Variants in IL4R observed in about 807,000 individuals in gnomAD.
IL4R encodes interleukin 4 receptor.
A neutral mutation model predicts 41.5 loss-of-function variants in IL4R; 17 were observed. That is an observed-to-expected ratio of 0.41 (90% CI 0.28 to 0.61). The LOEUF (loss-of-function observed/expected upper bound fraction) is 0.61, where lower values mean the gene tolerates loss of function less well. IL4R is among the 20% of genes least tolerant of loss of function. The pLI, the probability that IL4R is intolerant of heterozygous loss-of-function variation, is 0.31. For synonymous variants in IL4R, 402 were observed against 422.9 expected (o/e 0.95, Z 0.61); for missense variants, 974 against 1,043.1 (o/e 0.93, Z 0.91).
chr16:27,320,813 C>G lies in IL4R; in HGVS notation c.-152+6793C>G, dbSNP rs147709403. On this transcript the variant is annotated intron_variant, in intron 1 of 10. Transcript: ENST00000395762. ...CAGCTCTCTGGGCTGGGCAGGTCTCCAAGCTGGCAGGGCCACAGCCTCCCG... is the reference window on the plus strand; with the variant it reads ...CAGCTCTCTGGGCTGGGCAGGTCTCGAAGCTGGCAGGGCCACAGCCTCCCG... 5.0e-3 allele frequency among the ~76,000 whole-genome samples: 769 copies of G among 152,288 alleles called. 4 individuals are homozygous for G. Among genetic ancestry groups the G allele is most frequent in the African/African-American group, 0.018 (742 of 41,548 alleles).
intron 9 of IL4R, chr16:27,359,926 G>A (rs1167086479): frequency 4.8e-6 from 2 of 420,872 alleles, no homozygotes; most frequent in Non-Finnish European, 4.9e-6. Flanking sequence ...AGTGAGGGTG[G>A]CGGGGGAGGC....
At chr16:27,361,028 G>A (rs1175833305) in intron 10 of IL4R, 5 of 1,440,902 alleles carry the variant, frequency 3.5e-6, no homozygotes, top group Non-Finnish European at 4.5e-6. Flanking sequence ...CAGGTACATG[G>A]TGATACCCCT....
rs1159026130 is a variant in IL4R, at chr16:27,342,111, G to A, written c.71-10G>A. On this transcript the variant is annotated splice_polypyrimidine_tract_variant and intron_variant, in intron 3 of 10. Coordinates refer to ENST00000395762, the MANE Select transcript of IL4R (RefSeq NM_000418.4). The stretch of plus-strand genomic sequence containing the variant: ...CCTGGGCCGCTCAGGCTGCTCCTGT[G>A]TCTCCCCAGGGAACATGAAGGTCTT... 2.5e-6 allele frequency: 4 copies of A among 1,613,598 alleles called. No individual in the cohort carries two copies. Among genetic ancestry groups the A allele is most frequent in the Non-Finnish European group, 3.4e-6 (4 of 1,179,782 alleles).
At chr16:27,314,187 G>A (rs2141035389) in intron 1 of IL4R, 167 bp downstream of exon 1, 1 of 871,018 alleles carries the variant, frequency 1.1e-6, no homozygotes, top group African/African-American at 1.8e-5. Flanking sequence ...GCAGCGCCCG[G>A]TTCCGTCCTT....
Position 27,363,845 on chromosome 16 carries a change from G to C in IL4R, c.*15G>C. ...GGGTCTCTTAGGTGCATGTCCTCTT[G>C]TTGCTGAGTCTGCAGATGAGGACTA... is the stretch of plus-strand genomic sequence containing the variant. On this transcript the variant is annotated 3_prime_UTR_variant, in exon 11 of 11. Transcript: ENST00000395762. 6.3e-7 allele frequency: 1 copy of C among 1,592,096 alleles called. No homozygotes were observed. Among genetic ancestry groups the C allele is most frequent in the Non-Finnish European group, 8.5e-7 (1 of 1,174,930 alleles).
rs115366257 is a variant in IL4R at position 27,347,745 on chromosome 16, A to G, written c.513+1127A>G. Among the ~76,000 whole-genome samples the G allele has an allele frequency of 7.5e-3, 1,145 of 152,268 alleles. 18 individuals are homozygous for G. The highest frequency in any genetic ancestry group is 0.026 in the African/African-American group (1,063 of 41,556). On this transcript the variant is annotated intron_variant, in intron 6 of 10. Transcript: ENST00000395762. ...TGGGGTCCCACAGGGCTGCAATCCAATGCCTGCTGTGCCACTCGCCAGCTG... is the reference window on the plus strand; with the variant it reads ...TGGGGTCCCACAGGGCTGCAATCCAGTGCCTGCTGTGCCACTCGCCAGCTG...
chr16:27,347,437 C>T (rs1184379330), intron 6 of IL4R, among the ~76,000 whole-genome samples: 7 of 152,168 alleles, frequency 4.6e-5, no homozygotes, highest in African/African-American at 7.2e-5. Context: ...ATGATCCACT[C>T]GCCTTGGCCT....
chr16:27,318,045 T>G (rs1296477252), intron 1 of IL4R, among the ~76,000 whole-genome samples: 1 of 152,178 alleles, frequency 6.6e-6, no homozygotes, highest in Non-Finnish European at 1.5e-5. Flanking sequence ...AACCAATACA[T>G]ATGTTCAGAT....
upstream of IL4R, chr16:27,313,886 G>C (rs1226649163): frequency 1.0e-6 from 1 of 982,744 alleles, no homozygotes; most frequent in East Asian, 1.1e-4. Context: ...GCCGGGGCGG[G>C]GAGCAGGAAG....
chr16:27,321,013 A>G (rs7187471), intron 1 of IL4R, among the ~76,000 whole-genome samples: 94,570 of 150,514 alleles, frequency 0.63, 30,064 homozygotes, highest in African/African-American at 0.7. Flanking sequence ...GCGCAATCTC[A>G]GCTCACTGCA....
chr16:27,327,153 G>A (rs1265585958), intron 1 of IL4R, among the ~76,000 whole-genome samples: 1 of 152,086 alleles, frequency 6.6e-6, no homozygotes, highest in Non-Finnish European at 1.5e-5. Flanking sequence ...CCCCACCCGA[G>A]GCCCCTGCTG....
intron 10 of IL4R, among the ~76,000 whole-genome samples, chr16:27,361,935 A>G (rs938384008): frequency 3.9e-5 from 6 of 151,974 alleles, no homozygotes; most frequent in African/African-American, 1.2e-4. Flanking sequence ...ATCCTTTCTA[A>G]TTGGTCATGG....
intron 8 of IL4R, among the ~76,000 whole-genome samples, chr16:27,356,856 C>T (rs770112216): frequency 2.0e-5 from 3 of 152,122 alleles, no homozygotes; most frequent in Non-Finnish European, 2.9e-5. Context: ...CATATTTCAT[C>T]AGCCAGAAGA....
chr16:27,322,331 C>G (rs181152482), intron 1 of IL4R, among the ~76,000 whole-genome samples: 1 of 152,192 alleles, frequency 6.6e-6, no homozygotes, highest in Non-Finnish European at 1.5e-5. Context: ...TGTGCACTAC[C>G]ACGCCTAGCT....
At chr16:27,333,888 C>CT (rs11334116) in intron 2 of IL4R, among the ~76,000 whole-genome samples, 131 of 147,536 alleles carry the variant, frequency 8.9e-4, no homozygotes, top group Admixed American at 1.1e-3. Context: ...TCAGGAATCT[C>CT]TTTTTTTTTT....
At chr16:27,322,167 C>T (rs1419842223) in intron 1 of IL4R, among the ~76,000 whole-genome samples, 1 of 150,712 alleles carries the variant, frequency 6.6e-6, no homozygotes, top group Non-Finnish European at 1.5e-5. Context: ...ATAATAGAGG[C>T]TTTGTTAAGT....
At chr16:27,337,774 A>C (rs1268111157) in intron 2 of IL4R, among the ~76,000 whole-genome samples, 2 of 150,976 alleles carry the variant, frequency 1.3e-5, no homozygotes, top group Non-Finnish European at 3.0e-5. Flanking sequence ...TGGTAGAGAC[A>C]GGTTTCACCA....
intron 1 of IL4R, among the ~76,000 whole-genome samples, chr16:27,316,041 G>T (rs1209633235): frequency 6.6e-6 from 1 of 152,150 alleles, no homozygotes; most frequent in African/African-American, 2.4e-5. Context: ...GTTTTCTAAT[G>T]CTCCCAGTTC....
rs753586692 is a variant in IL4R, at chr16:27,352,579, C to T, written c.553C>T (p.Arg185Cys). ...YNVTYLEPSLRIAASTLKSGI... is the reference protein window; with the variant it reads ...YNVTYLEPSLCIAASTLKSGI... ...CGTGACCTACCTAGAACCCTCCCTC[C>T]GCATCGCAGCCAGCACCCTGAAGTC... is the stretch of plus-strand genomic sequence containing the variant. Residue 185 changes from arginine to cysteine, a missense_variant, in exon 7 of 11, where the codon CGC becomes TGC. By Grantham distance (180) the Arg-to-Cys change is radical. Around this residue, in one of 3 missense-constraint regions of IL4R, gnomAD observed 284 missense variants for 313.4 expected, o/e 0.91. Transcript: ENST00000395762. 79 of 1,614,172 alleles carry T rather than the reference C, an allele frequency of 4.9e-5. No individual in the cohort carries two copies. The highest frequency in any genetic ancestry group is 1.6e-4 in the Middle Eastern group (1 of 6,062).
Sources: allele counts gnomAD v4.1 joint callset (sites outside exome capture counted in the v4.1 genomes callset), GRCh38; gene constraint gnomAD v4.1.1; regional missense constraint gnomAD v4.1.1; transcripts MANE v1.5; gene names NCBI Gene and HGNC (gene_info 2026-07-23, HGNC 2026-07-21).